The following PRKCQ variants were observed in gnomAD, a reference collection of about 807,000 sequenced individuals.
The protein encoded by PRKCQ is protein kinase C theta type.
In PRKCQ, 41 loss-of-function variants were observed where a neutral mutation model predicts 91.2. The observed-to-expected ratio is 0.45, with a 90% CI of 0.35 to 0.58. PRKCQ has a LOEUF of 0.58. Ranked by LOEUF, PRKCQ falls within the 20% of genes least tolerant of loss-of-function variation. PRKCQ has a pLI of 0.00. For missense variants in PRKCQ, 673 were observed against 896.5 expected (o/e 0.75, Z 3.18); for synonymous variants, 307 against 316.9 (o/e 0.97, Z 0.33).
At chr10:6,446,828 C>T (rs673964) in intron 15 of PRKCQ, among the ~76,000 whole-genome samples, 35,617 of 152,182 alleles carry the variant, frequency 0.23, 4,639 homozygotes, top group Non-Finnish European at 0.28. Context: ...TCAAAATGCA[C>T]AAGGAAACCC....
At chr10:6,494,980 C>T (rs930548745) in intron 7 of PRKCQ, among the ~76,000 whole-genome samples, 18 of 152,204 alleles carry the variant, frequency 1.2e-4, no homozygotes, top group African/African-American at 4.3e-4. Flanking sequence ...TACCACACTG[C>T]TCGGCCTCGG....
At chr10:6,477,927 C>T (rs868466305) in intron 12 of PRKCQ, among the ~76,000 whole-genome samples, 1 of 152,116 alleles carries the variant, frequency 6.6e-6, no homozygotes, top group Admixed American at 6.6e-5. Context: ...GAAAAGCCTC[C>T]GCCCCTTGTG....
chr10:6,499,926 T>G (rs1837814215), intron 4 of PRKCQ, among the ~76,000 whole-genome samples: 1 of 152,244 alleles, frequency 6.6e-6, no homozygotes, highest in Non-Finnish European at 1.5e-5. Flanking sequence ...CAGGACACAT[T>G]GTAGGACTGA....
chr10:6,457,104 G>T (rs951710588), intron 14 of PRKCQ, among the ~76,000 whole-genome samples: 1 of 152,102 alleles, frequency 6.6e-6, no homozygotes, highest in Non-Finnish European at 1.5e-5. Flanking sequence ...TTTCCTGAGG[G>T]TAATGACGAA....
At chr10:6,422,607 G>A (rs547847701), downstream of PRKCQ, among the ~76,000 whole-genome samples, 131 of 152,286 alleles carry the variant, frequency 8.6e-4, no homozygotes, top group African/African-American at 2.9e-3. Flanking sequence ...AGAGATTGTC[G>A]TCAGGGGTTA....
chr10:6,516,722 C>T (rs1427739293), intron 1 of PRKCQ, among the ~76,000 whole-genome samples: 1 of 152,116 alleles, frequency 6.6e-6, no homozygotes, highest in African/African-American at 2.4e-5. Flanking sequence ...ACTCACAAAG[C>T]CAGAGTTAAA....
At chr10:6,403,468 A>T in the PRKCQ span, among the ~76,000 whole-genome samples, 1 of 152,112 alleles carries the variant, frequency 6.6e-6, no homozygotes, top group African/African-American at 2.4e-5. Flanking sequence ...CCCCTCTGCT[A>T]TCTCTGGGGC....
chr10:6,416,425 C>T, the PRKCQ span, among the ~76,000 whole-genome samples: 1 of 152,150 alleles, frequency 6.6e-6, no homozygotes, highest in Non-Finnish European at 1.5e-5. Context: ...TTTGCATCCT[C>T]ATAGCTTAGC....
chr10:6,452,540 A>G (rs10906619), intron 15 of PRKCQ, among the ~76,000 whole-genome samples: 127,188 of 145,894 alleles, frequency 0.87, 55,476 homozygotes, highest in East Asian at 0.98. Flanking sequence ...TCAAGCTACC[A>G]ATGACTTTCT....
intron 7 of PRKCQ, 55 bp from the exon 8 acceptor site, chr10:6,491,867 T>A: frequency 1.9e-6 from 3 of 1,608,798 alleles, no homozygotes; most frequent in Non-Finnish European, 2.6e-6. Flanking sequence ...CGACTTTGGA[T>A]GTTCTTGCAG....
chr10:6,546,284 C>G (rs1355235510), intron 1 of PRKCQ, among the ~76,000 whole-genome samples: 1 of 152,028 alleles, frequency 6.6e-6, no homozygotes, highest in East Asian at 1.9e-4. Context: ...AAATGGGGTG[C>G]CAGTGGGATT....
the PRKCQ span, among the ~76,000 whole-genome samples, chr10:6,395,106 A>C: frequency 2.4e-5 from 3 of 125,982 alleles, no homozygotes; most frequent in Admixed American, 9.8e-5. Flanking sequence ...TCTGTCTCCC[A>C]GGCTGGAGTG....
chr10:6,522,948 A>G (rs519349), intron 1 of PRKCQ, among the ~76,000 whole-genome samples: 52,627 of 152,012 alleles, frequency 0.35, 9,615 homozygotes, highest in African/African-American at 0.46. Context: ...AGATAGAAAG[A>G]TTTCTTAGGT....
chr10:6,404,649 C>A, the PRKCQ span, among the ~76,000 whole-genome samples: 2 of 132,348 alleles, frequency 1.5e-5, no homozygotes, highest in Non-Finnish European at 3.2e-5. Context: ...CCTTTCTTTC[C>A]TTTTTTCTCT....
intron 3 of PRKCQ, among the ~76,000 whole-genome samples, chr10:6,508,120 T>C (rs947952745): frequency 1.8e-4 from 27 of 152,222 alleles, no homozygotes; most frequent in Non-Finnish European, 3.5e-4. Context: ...ACTTCAGTAC[T>C]GTATTATTAT....
chr10:6,461,998 G>A (rs11258984), intron 14 of PRKCQ, among the ~76,000 whole-genome samples: 6,794 of 152,222 alleles, frequency 0.045, 378 homozygotes, highest in African/African-American at 0.12. Flanking sequence ...GAAAGAAACC[G>A]TAAGGTATGA....
At chr10:6,507,862 G>A (rs1286986914) in intron 3 of PRKCQ, among the ~76,000 whole-genome samples, 1 of 152,194 alleles carries the variant, frequency 6.6e-6, no homozygotes, top group Non-Finnish European at 1.5e-5. Context: ...CACTGGGACT[G>A]GCTTCCTTGG....
At position 6,498,425 on chromosome 10, in the gene PRKCQ, T is replaced by G. The variant is rs768827336; in HGVS notation, c.513A>C (p.Thr171=). The change falls in exon 5 of 18, where the codon ACA becomes ACC. Residue 171 remains threonine (T), a synonymous_variant. Transcript: ENST00000263125. ...EFTATFFPQP[T]FCSVCHEFVW... ...CAAACTCGTGGCAGACAGAGCAAAA[T>G]GTGGGCTGTGGGAAGAAGGTGGCAG... 5.0e-6 allele frequency: 8 copies of G among 1,613,800 alleles called. No individual in the cohort carries two copies. The Admixed American group carries it at 1.2e-4, about 24-fold the overall frequency.
At chr10:6,514,355 G>A (rs1417899206) in intron 2 of PRKCQ, among the ~76,000 whole-genome samples, 1 of 151,572 alleles carries the variant, frequency 6.6e-6, no homozygotes, top group Non-Finnish European at 1.5e-5. Context: ...CGGCCGACGT[G>A]ACCACAGAGA....
Sources: gnomAD v4.1 joint callset for allele counts (sites outside exome capture counted in the v4.1 genomes callset) on GRCh38, gnomAD v4.1.1 for gene constraint, MANE v1.5 for transcripts, NCBI Gene and HGNC (gene_info 2026-07-23, HGNC 2026-07-21) for gene names.